RNF220: variants seen among roughly 807,000 people sequenced by gnomAD.
The protein encoded by RNF220 is E3 ubiquitin-protein ligase RNF220.
A neutral mutation model predicts 67.1 loss-of-function variants in RNF220; 7 were observed. The ratio of observed to expected loss-of-function variants is 0.10; its 90% CI spans 0.06 to 0.20. The LOEUF is 0.20. Among genes scored for constraint, RNF220 ranks in the 10% least tolerant of loss-of-function variants. The pLI, the probability that RNF220 is intolerant of heterozygous loss-of-function variation, is 1.00. For synonymous variants in RNF220, 270 were observed against 283.2 expected (o/e 0.95, Z 0.47); for missense variants, 565 against 740.3 (o/e 0.76, Z 2.75).
intron 2 of RNF220, among the ~76,000 whole-genome samples, chr1:44,504,441 C>A (rs1043247860): frequency 3.3e-5 from 5 of 152,182 alleles, no homozygotes; most frequent in Admixed American, 2.6e-4. Flanking sequence ...CCTTGACTGG[C>A]CCCCTGTGCT....
At chr1:44,421,198 G>A (rs1268150200) in intron 2 of RNF220, among the ~76,000 whole-genome samples, 1 of 152,124 alleles carries the variant, frequency 6.6e-6, no homozygotes, top group Non-Finnish European at 1.5e-5. Context: ...GATTTGACTC[G>A]GGTTGGATAT....
At chr1:44,585,124 A>T (rs905566413) in intron 2 of RNF220, among the ~76,000 whole-genome samples, 8 of 152,122 alleles carry the variant, frequency 5.3e-5, no homozygotes, top group African/African-American at 1.9e-4. Context: ...TGGTATTAAG[A>T]TGTCATCTCC....
At chr1:44,435,151 TA>T (rs1236217139) in intron 2 of RNF220, among the ~76,000 whole-genome samples, 1 of 151,996 alleles carries the variant, frequency 6.6e-6, no homozygotes, top group Non-Finnish European at 1.5e-5. Flanking sequence ...GTGAAGTGCC[TA>T]AAAAAACACC....
intron 2 of RNF220, among the ~76,000 whole-genome samples, chr1:44,592,263 A>G (rs993616435): frequency 3.3e-5 from 5 of 152,200 alleles, no homozygotes; most frequent in Admixed American, 2.0e-4. Flanking sequence ...TAGGAGAGCA[A>G]GGGAGCCTGG....
intron 5 of RNF220, among the ~76,000 whole-genome samples, chr1:44,630,835 A>G (rs920352751): frequency 6.6e-6 from 1 of 152,238 alleles, no homozygotes; most frequent in African/African-American, 2.4e-5. Context: ...AATAGGAGTG[A>G]GAGAAGAGTC....
At chr1:44,642,635 C>T (rs746553897) in intron 8 of RNF220, among the ~76,000 whole-genome samples, 7 of 152,184 alleles carry the variant, frequency 4.6e-5, no homozygotes, top group Non-Finnish European at 7.3e-5. Context: ...AGTAAGACTA[C>T]AGAGAAAAGG....
intron 2 of RNF220, among the ~76,000 whole-genome samples, chr1:44,488,019 G>C (rs1482940822): frequency 6.6e-6 from 1 of 151,378 alleles, no homozygotes. Flanking sequence ...ACCCAGGCTG[G>C]AGTGCAGTGG....
intron 8 of RNF220, among the ~76,000 whole-genome samples, chr1:44,640,422 G>A (rs888451754): frequency 1.3e-5 from 2 of 152,228 alleles, no homozygotes; most frequent in African/African-American, 4.8e-5. Flanking sequence ...GTGAGGAGAG[G>A]TGGCAAGGAG....
chr1:44,444,637 C>A (rs150684082), intron 2 of RNF220, among the ~76,000 whole-genome samples: 2 of 148,918 alleles, frequency 1.3e-5, no homozygotes, highest in African/African-American at 4.9e-5. Flanking sequence ...GACAGGATTT[C>A]GCCATGTTGG....
intron 2 of RNF220, among the ~76,000 whole-genome samples, chr1:44,479,166 G>C (rs1321589101): frequency 6.6e-6 from 1 of 151,072 alleles, no homozygotes; most frequent in Non-Finnish European, 1.5e-5. Context: ...CCCAGGCTGG[G>C]GTGCAGTGGC....
Position 44,580,030 on chromosome 1 carries a change from C to CAAAAAA in RNF220, c.626-34113_626-34108dup, listed in dbSNP as rs61499825. Among the ~76,000 whole-genome samples the CAAAAAA allele has an allele frequency of 2.3e-3, 151 of 65,198 alleles. 1 individual carries two copies. Among genetic ancestry groups the CAAAAAA allele is most frequent in the East Asian group, 3.3e-3 (6 of 1,814 alleles). The allele number at this position is 65,198 out of a possible 152,430, so 42.8% of individuals were successfully genotyped here. The stretch of plus-strand genomic sequence containing the variant: ...GGCAACAGAGCAAGACCCTGTCTCA[C>CAAAAAA]AAAAAAAAAAAAAAAAAAAAAAAAA... On this transcript the variant is annotated intron_variant, in intron 2 of 14. Transcript: ENST00000361799.
At chr1:44,642,771 C>G (rs1273214393) in intron 8 of RNF220, among the ~76,000 whole-genome samples, 2 of 152,212 alleles carry the variant, frequency 1.3e-5, no homozygotes, top group Non-Finnish European at 2.9e-5. Context: ...CCAGGGTTCT[C>G]TGCTTTCCAC....
intron 2 of RNF220, among the ~76,000 whole-genome samples, chr1:44,581,508 A>G (rs1410145125): frequency 6.6e-6 from 1 of 152,168 alleles, no homozygotes; most frequent in Non-Finnish European, 1.5e-5. Context: ...TCCAGAAAAA[A>G]TGAAACCTCT....
intron 2 of RNF220, among the ~76,000 whole-genome samples, chr1:44,446,645 C>T (rs1351241900): frequency 6.6e-6 from 1 of 151,740 alleles, no homozygotes; most frequent in Non-Finnish European, 1.5e-5. Flanking sequence ...CTGCAACCTC[C>T]ACCTCCGGGT....
At chr1:44,629,776 G>A (rs1332766222) in intron 5 of RNF220, among the ~76,000 whole-genome samples, 3 of 152,246 alleles carry the variant, frequency 2.0e-5, no homozygotes, top group Non-Finnish European at 2.9e-5. Context: ...AGGAGGTAAT[G>A]ACTGAAAACG....
intron 2 of RNF220, among the ~76,000 whole-genome samples, chr1:44,512,086 T>C (rs1659061763): frequency 6.6e-6 from 1 of 152,140 alleles, no homozygotes; most frequent in Non-Finnish European, 1.5e-5. Context: ...GCTGTGGTTG[T>C]AGGTATGTAA....
At chr1:44,506,900 C>CT (rs1466356715) in intron 2 of RNF220, among the ~76,000 whole-genome samples, 5 of 152,218 alleles carry the variant, frequency 3.3e-5, no homozygotes, top group Non-Finnish European at 7.3e-5. Flanking sequence ...TGACTACAGA[C>CT]TCCAGAACCA....
chr1:44,592,752 T>C (rs904446471), intron 2 of RNF220, among the ~76,000 whole-genome samples: 1 of 152,188 alleles, frequency 6.6e-6, no homozygotes, highest in Non-Finnish European at 1.5e-5. Flanking sequence ...TTACAGCAGT[T>C]GCCCAAAGAC....
Position 44,619,108 on chromosome 1 carries a change from C to T in RNF220, c.759-3634C>T, listed in dbSNP as rs74417114. Among the ~76,000 whole-genome samples, 191 of 152,184 alleles carry T rather than the reference C, an allele frequency of 1.3e-3. 6 individuals carry two copies. In the East Asian group the frequency reaches 0.034, roughly 27 times the overall value. The stretch of plus-strand genomic sequence containing the variant: ...GGGCGGGGGTGGAGGAAGGAGTTGG[C>T]CCCCAGACTTCCCAGTGGCCCTCAG... On this transcript the variant is annotated intron_variant, in intron 3 of 14. Transcript: ENST00000361799.
Sources: allele counts gnomAD v4.1 joint callset (sites outside exome capture counted in the v4.1 genomes callset), GRCh38; gene constraint gnomAD v4.1.1; transcripts MANE v1.5; gene names NCBI Gene and HGNC (gene_info 2026-07-23, HGNC 2026-07-21).